The following SLC9D1 variants were observed in gnomAD, a reference collection of about 807,000 sequenced individuals.
SLC9D1 encodes putative LAG1-interacting protein.
chr13:113,498,760 A>AT, the SLC9D1 span: 1 of 373,448 alleles, frequency 2.7e-6, no homozygotes, highest in South Asian at 3.0e-5. Context: ...GCTTGTCTGC[A>AT]TTTTCCAGAG....
chr13:113,505,009 A>G, the SLC9D1 span: 1 of 152,200 alleles, frequency 6.6e-6, no homozygotes, highest in South Asian at 2.1e-4. Flanking sequence ...TTCTTGGAGG[A>G]GTAAGGTATT....
chr13:113,508,400 C>T, the SLC9D1 span, among the ~76,000 whole-genome samples: 3 of 152,328 alleles, frequency 2.0e-5, no homozygotes, highest in East Asian at 1.9e-4. Flanking sequence ...CTGCAGCCAG[C>T]GTGGACAGCA....
chr13:113,523,956 A>C, the SLC9D1 span, among the ~76,000 whole-genome samples: 1 of 152,146 alleles, frequency 6.6e-6, no homozygotes, highest in East Asian at 1.9e-4. Context: ...TTGTAGTTTG[A>C]GTCCACTGTG....
the SLC9D1 span, among the ~76,000 whole-genome samples, chr13:113,540,626 T>C: frequency 2.0e-4 from 30 of 152,232 alleles, no homozygotes; most frequent in African/African-American, 6.3e-4. Flanking sequence ...TGATAGATTA[T>C]AGATATAAGA....
At chr13:113,518,639 G>A in the SLC9D1 span, among the ~76,000 whole-genome samples, 10 of 152,218 alleles carry the variant, frequency 6.6e-5, no homozygotes, top group East Asian at 5.8e-4. Flanking sequence ...CCTCCCTCCC[G>A]TCTTGCGAAG....
At chr13:113,494,300 T>G in the SLC9D1 span, among the ~76,000 whole-genome samples, 1 of 152,164 alleles carries the variant, frequency 6.6e-6, no homozygotes, top group African/African-American at 2.4e-5. Context: ...AGTGGCCAAA[T>G]TCCACGGACT....
chr13:113,512,201 T>C, the SLC9D1 span, among the ~76,000 whole-genome samples: 1 of 125,494 alleles, frequency 8.0e-6, no homozygotes, highest in African/African-American at 3.1e-5. Context: ...GGAGTGTAGA[T>C]GGAGAGGGTC....
At chr13:113,539,230 A>T in the SLC9D1 span, 2 of 872,294 alleles carry the variant, frequency 2.3e-6, no homozygotes, top group Non-Finnish European at 3.6e-6. The surrounding 1 kb of genome is among the most constrained non-coding windows in gnomAD (Gnocchi z 4.8). Flanking sequence ...AGACACACAC[A>T]CGCTCTGTTT....
the SLC9D1 span, among the ~76,000 whole-genome samples, chr13:113,507,541 A>G: frequency 2.0e-5 from 3 of 152,186 alleles, no homozygotes; most frequent in South Asian, 2.1e-4. Context: ...ATTAGAAACT[A>G]CTTGGAACAC....
At chr13:113,514,192 A>G in the SLC9D1 span, 3 of 152,134 alleles carry the variant, frequency 2.0e-5, no homozygotes, top group Non-Finnish European at 4.4e-5. Flanking sequence ...TTTTCATACT[A>G]ACCTCACTAT....
the SLC9D1 span, chr13:113,547,043 G>T: frequency 1.8e-5 from 9 of 487,948 alleles, no homozygotes; most frequent in Non-Finnish European, 3.0e-5. Flanking sequence ...TGTGTCCTCT[G>T]CAGTTGAGGC....
the SLC9D1 span, among the ~76,000 whole-genome samples, chr13:113,502,093 C>A: frequency 1.3e-5 from 2 of 152,172 alleles, no homozygotes; most frequent in Non-Finnish European, 2.9e-5. Flanking sequence ...GAGACAACGC[C>A]CCTGCTCGTT....
chr13:113,522,465 G>C, the SLC9D1 span, among the ~76,000 whole-genome samples: 1 of 152,082 alleles, frequency 6.6e-6, no homozygotes, highest in African/African-American at 2.4e-5. Flanking sequence ...CTCAGCCTCT[G>C]GAGTAGCTGG....
the SLC9D1 span, among the ~76,000 whole-genome samples, chr13:113,514,916 G>C: frequency 6.6e-6 from 1 of 152,170 alleles, no homozygotes; most frequent in South Asian, 2.1e-4. Flanking sequence ...TGGAGGTCTT[G>C]CTATGTTACC....
chr13:113,493,681 C>T, the SLC9D1 span, among the ~76,000 whole-genome samples: 1 of 152,216 alleles, frequency 6.6e-6, no homozygotes, highest in Non-Finnish European at 1.5e-5. Flanking sequence ...AGTGAATTCT[C>T]TGTGGAGTGT....
At chr13:113,532,816 T>C in the SLC9D1 span, among the ~76,000 whole-genome samples, 1 of 139,026 alleles carries the variant, frequency 7.2e-6, no homozygotes, top group African/African-American at 2.7e-5. Context: ...CAGCGAGCTC[T>C]GAAGGACGCT....
At chr13:113,543,106 C>T in the SLC9D1 span, among the ~76,000 whole-genome samples, 1 of 111,176 alleles carries the variant, frequency 9.0e-6, no homozygotes, top group East Asian at 2.9e-4. Flanking sequence ...ACCTCCTCCC[C>T]CTGCCCCCAG....
the SLC9D1 span, among the ~76,000 whole-genome samples, chr13:113,516,565 CAAAAA>C: frequency 1.1e-5 from 1 of 87,150 alleles, no homozygotes; most frequent in Non-Finnish European, 2.3e-5. Flanking sequence ...GACTCCATCT[CAAAAA>C]AAAAAAAAAG....
the SLC9D1 span, chr13:113,528,647 C>T: frequency 6.6e-6 from 1 of 152,200 alleles, no homozygotes; most frequent in African/African-American, 2.4e-5. Flanking sequence ...AGGCAGGGCA[C>T]TTAGTGCAGC....
Sources: gnomAD v4.1 joint callset for allele counts (sites outside exome capture counted in the v4.1 genomes callset) on GRCh38, gnomAD v4.1.1 for gene constraint, Gnocchi (gnomAD v3.1) non-coding constraint, MANE v1.5 for transcripts, NCBI Gene and HGNC (gene_info 2026-07-23, HGNC 2026-07-21) for gene names.